Variants in GYG1 observed in about 807,000 individuals in gnomAD.
GYG1 encodes the protein glycogenin 1, also known as glycogenin-1.
In GYG1, 44 loss-of-function variants were observed where a neutral mutation model predicts 41.9. That is an observed-to-expected ratio of 1.05 (90% CI 0.83 to 1.35). GYG1 has a LOEUF of 1.35. Ranked by LOEUF, GYG1 falls within the 40% of genes most tolerant of loss-of-function variation. The pLI is 0.00. For synonymous variants in GYG1, 141 were observed against 158.1 expected, an observed-to-expected ratio of 0.89 and a Z score of 0.81; for missense variants, 429 against 418.9, an observed-to-expected ratio of 1.02 and a Z score of -0.21.
At chr3:149,012,997 T>TTG (rs10575910) in intron 5 of GYG1, among the ~76,000 whole-genome samples, 10,283 of 141,380 alleles carry the variant, frequency 0.073, 396 homozygotes, top group Middle Eastern at 0.11. Flanking sequence ...CTCAGTTAAT[T>TTG]TGTGTGTGTG....
chr3:148,999,469 A>G (rs1303717185), intron 4 of GYG1, among the ~76,000 whole-genome samples: 1 of 152,254 alleles, frequency 6.6e-6, no homozygotes, highest in African/African-American at 2.4e-5. Context: ...TGTTCACTTG[A>G]AATATGTGTT....
intron 5 of GYG1, among the ~76,000 whole-genome samples, chr3:149,012,506 A>C (rs970126264): frequency 2.0e-5 from 3 of 152,238 alleles, no homozygotes; most frequent in African/African-American, 7.2e-5. Context: ...TTGGATATCT[A>C]GAACTTTGTG....
intron 6 of GYG1, among the ~76,000 whole-genome samples, chr3:149,025,766 A>G (rs1171466283): frequency 6.6e-6 from 1 of 152,188 alleles, no homozygotes; most frequent in Non-Finnish European, 1.5e-5. Context: ...ACTATGCTTA[A>G]AAGTAGCCAT....
intron 5 of GYG1, among the ~76,000 whole-genome samples, chr3:149,016,588 GTAT>G (rs1714062159): frequency 6.6e-6 from 1 of 152,156 alleles, no homozygotes; most frequent in Middle Eastern, 3.2e-3. Context: ...GATTTCCAGG[GTAT>G]TATTGGGAGG....
At chr3:149,006,825 G>A (rs1052281368) in intron 4 of GYG1, among the ~76,000 whole-genome samples, 9 of 152,198 alleles carry the variant, frequency 5.9e-5, no homozygotes, top group Non-Finnish European at 1.2e-4. Flanking sequence ...CCACATTTGG[G>A]TATCTTTGTA....
chr3:149,001,988 T>A (rs556519827), intron 4 of GYG1, among the ~76,000 whole-genome samples: 2 of 152,302 alleles, frequency 1.3e-5, no homozygotes, highest in Middle Eastern at 6.8e-3. Flanking sequence ...GTCTTCTATC[T>A]CTATTGCTAC....
chr3:148,999,322 G>A (rs1208926653), intron 4 of GYG1, among the ~76,000 whole-genome samples: 1 of 152,204 alleles, frequency 6.6e-6, no homozygotes, highest in African/African-American at 2.4e-5. Flanking sequence ...CTCATTGGTG[G>A]TGAAGGACTG....
At chr3:149,003,115 T>A (rs1006407214) in intron 4 of GYG1, among the ~76,000 whole-genome samples, 39 of 7,260 alleles carry the variant, frequency 5.4e-3, no homozygotes, top group African/African-American at 0.029. Flanking sequence ...TTTACTATAA[T>A]TTTTTTTTTT....
At chr3:148,992,187 C>T (rs1051593999) in intron 1 of GYG1, among the ~76,000 whole-genome samples, 2 of 152,254 alleles carry the variant, frequency 1.3e-5, no homozygotes, top group African/African-American at 2.4e-5. Flanking sequence ...TGCGGGAAGC[C>T]GGGAGTCGGA....
rs1211314513 is a variant in GYG1, at chr3:149,027,743, C to T, written c.*810C>T. On this transcript the variant is annotated 3_prime_UTR_variant, in exon 8 of 8. Coordinates refer to ENST00000345003, the MANE Select transcript of GYG1 (RefSeq NM_004130.4). ...GTCATAGTTTTAAAAAAGTGTAAAG[C>T]TTGACATTGGGATATATGCTTTAAA... 1 of 152,146 alleles carries T rather than the reference C, an allele frequency of 6.6e-6. No homozygotes were observed. Among genetic ancestry groups the T allele is most frequent in the Non-Finnish European group, 1.5e-5 (1 of 68,014 alleles). 9.4% of individuals were successfully genotyped at this position (152,146 alleles called of 1,614,324 possible).
intron 2 of GYG1, 103 bp from the exon 3 acceptor site, chr3:148,996,199 C>T: frequency 1.2e-6 from 1 of 839,384 alleles, no homozygotes; most frequent in Non-Finnish European, 2.1e-6. Context: ...ATACATTGTT[C>T]TAGTAATTGA....
At chr3:148,999,772 T>C (rs1015783551) in intron 4 of GYG1, among the ~76,000 whole-genome samples, 1 of 152,250 alleles carries the variant, frequency 6.6e-6, no homozygotes, top group Admixed American at 6.5e-5. Flanking sequence ...TTAGGTGTTG[T>C]GCTGTAGGCA....
chr3:149,029,839 T>A lies in GYG1; in HGVS notation c.*2906T>A, dbSNP rs1714860348. 6.6e-6 allele frequency among the ~76,000 whole-genome samples: 1 copy of A among 152,228 alleles called. No individual in the cohort carries two copies. The highest frequency in any genetic ancestry group is 1.5e-5 in the Non-Finnish European group (1 of 68,032). On this transcript the variant is annotated 3_prime_UTR_variant, in exon 8 of 8. Transcript: ENST00000345003. The stretch of plus-strand genomic sequence containing the variant: ...TGATTGATTAAGAGTGCTATCTGTG[T>A]ATATATAGGTATTATCACAACTCCT...
At chr3:149,012,948 C>A (rs1350694829) in intron 5 of GYG1, among the ~76,000 whole-genome samples, 14 of 151,692 alleles carry the variant, frequency 9.2e-5, no homozygotes, top group Admixed American at 9.2e-4. Context: ...GCCTCAGCCT[C>A]CTGATGAGTA....
At chr3:149,009,210 T>G in intron 4 of GYG1, 66 bp from the exon 5 acceptor site, 6 of 1,205,254 alleles carry the variant, frequency 5.0e-6, no homozygotes, top group Non-Finnish European at 7.4e-6. Context: ...TCCAGTTATG[T>G]GCTCCTATAA....
rs765816947 is a variant in GYG1 at position 149,026,457 on chromosome 3, A to G, written c.834A>G (p.Ser278=). 1 of 1,599,912 alleles carries G rather than the reference A, an allele frequency of 6.3e-7. No homozygotes were observed. The highest frequency in any genetic ancestry group is 2.2e-5 in the East Asian group (1 of 44,802). ...KDTCSYVNVL[S]DLVYTLAFSC... ...TTCTAATGAACTGTTTGCAGCTTTC[A>G]GACTTGGTCTATACACTGGCTTTCT... Residue 278 remains serine (S), a synonymous_variant, in exon 7 of 8, where the codon TCA becomes TCG. Coordinates refer to ENST00000345003, the MANE Select transcript of GYG1 (RefSeq NM_004130.4).
At chr3:148,993,660 A>G (rs907005133) in intron 1 of GYG1, among the ~76,000 whole-genome samples, 2 of 152,178 alleles carry the variant, frequency 1.3e-5, no homozygotes, top group Non-Finnish European at 2.9e-5. Flanking sequence ...ACATACATAC[A>G]TACATTCCTG....
chr3:149,027,955 C>T lies in GYG1; in HGVS notation c.*1022C>T, dbSNP rs1158294562. ...CTAACTGTCAGAATCAATACTGGGT[C>T]CAGTCCCTACTAGTATTTTATCTAT... On this transcript the variant is annotated 3_prime_UTR_variant, in exon 8 of 8. Coordinates refer to ENST00000345003, the MANE Select transcript of GYG1 (RefSeq NM_004130.4). Among the ~76,000 whole-genome samples the T allele has an allele frequency of 1.3e-5, 2 of 152,068 alleles. No homozygotes were observed. Among genetic ancestry groups the T allele is most frequent in the Non-Finnish European group, 2.9e-5 (2 of 68,004 alleles).
chr3:149,031,118 CA>C lies in GYG1; in HGVS notation c.*4188del, dbSNP rs1198587843. On this transcript the variant is annotated 3_prime_UTR_variant, in exon 8 of 8. Coordinates refer to ENST00000345003, the MANE Select transcript of GYG1 (RefSeq NM_004130.4). ...TTTTAAATATGCTCAGGAGTCAACC[CA>C]AATTCTGCAGCAAATAAGTTTGCTT... 1 of 151,358 alleles carries C rather than the reference CA, an allele frequency of 6.6e-6. No homozygotes were observed. The highest frequency in any genetic ancestry group is 1.5e-5 in the Non-Finnish European group (1 of 67,896). The allele number at this position is 151,358 out of a possible 1,614,324, so 9.4% of individuals were successfully genotyped here.
Sources: gnomAD v4.1 joint callset for allele counts (sites outside exome capture counted in the v4.1 genomes callset) on GRCh38, gnomAD v4.1.1 for gene constraint, MANE v1.5 for transcripts, NCBI Gene and HGNC (gene_info 2026-07-23, HGNC 2026-07-21) for gene names.